ALK: variants seen among roughly 807,000 people sequenced by gnomAD.
ALK encodes ALK tyrosine kinase receptor.
A neutral mutation model predicts 163.1 loss-of-function variants in ALK; 74 were observed. The observed-to-expected ratio is 0.45, with a 90% CI of 0.38 to 0.55. The LOEUF (loss-of-function observed/expected upper bound fraction) is 0.55. Ranked by LOEUF, ALK falls within the 20% of genes least tolerant of loss-of-function variation. ALK has a pLI of 0.00. For synonymous variants in ALK, 960 were observed against 843.2 expected, an observed-to-expected ratio of 1.14 and a Z score of -2.40; for missense variants, 2,063 against 2,105.3, an observed-to-expected ratio of 0.98 and a Z score of 0.39.
At chr2:29,618,006 G>A (rs1033944137) in intron 3 of ALK, among the ~76,000 whole-genome samples, 3 of 152,154 alleles carry the variant, frequency 2.0e-5, no homozygotes, top group African/African-American at 7.2e-5. Context: ...GGTACTTTGG[G>A]TTCTGCCTAG....
chr2:29,527,696 A>G (rs1672992340), intron 4 of ALK, among the ~76,000 whole-genome samples: 1 of 151,956 alleles, frequency 6.6e-6, no homozygotes, highest in African/African-American at 2.4e-5. Flanking sequence ...TTTTTTTTGT[A>G]GAGGTTGGGG....
chr2:29,909,670 A>G (rs1013982265), intron 1 of ALK, among the ~76,000 whole-genome samples: 6 of 152,246 alleles, frequency 3.9e-5, no homozygotes, highest in African/African-American at 1.2e-4. Context: ...CAATTTCTAC[A>G]GCTCATACAT....
intron 1 of ALK, among the ~76,000 whole-genome samples, chr2:29,854,172 G>A (rs966676224): frequency 2.6e-5 from 4 of 151,004 alleles, no homozygotes; most frequent in African/African-American, 4.9e-5. Context: ...GGAGGCCTTC[G>A]CTATCACACT....
intron 4 of ALK, among the ~76,000 whole-genome samples, chr2:29,406,333 CCT>C (rs1227855806): frequency 6.6e-6 from 1 of 152,196 alleles, no homozygotes; most frequent in Non-Finnish European, 1.5e-5. Context: ...TCCCTCACCT[CCT>C]GTTTCCATTT....
rs1669778118 is a variant in ALK, at chr2:29,220,738, T to C, written c.3613A>G (p.Lys1205Glu). 6.2e-7 allele frequency: 1 copy of C among 1,613,688 alleles called. No homozygotes were observed. The highest frequency in any genetic ancestry group is 1.3e-5 in the African/African-American group (1 of 74,862). ...GGGCGGGTCTCTCGGAGGAAGGACT[T>C]GAGGTCTCCCCCCGCCATGAGCTCC... ...LLELMAGGDL[K>E]SFLRETRPRP... The change falls in exon 23 of 29, where the codon AAG becomes GAG. Residue 1205 changes from lysine (K) to glutamate (E), a missense_variant. Transcript: ENST00000389048.
At chr2:29,630,574 T>C (rs557373701) in intron 3 of ALK, among the ~76,000 whole-genome samples, 1 of 152,214 alleles carries the variant, frequency 6.6e-6, no homozygotes, top group Non-Finnish European at 1.5e-5. Context: ...CTGAGTGTAT[T>C]AGGTATTTAT....
chr2:29,257,079 C>T (rs1424827636), intron 11 of ALK, among the ~76,000 whole-genome samples: 4 of 152,072 alleles, frequency 2.6e-5, no homozygotes, highest in Non-Finnish European at 4.4e-5. Context: ...CCATATCTCC[C>T]CTGCTGAGGG....
intron 23 of ALK, among the ~76,000 whole-genome samples, chr2:29,217,138 G>A (rs978955488): frequency 2.1e-5 from 3 of 141,570 alleles, no homozygotes; most frequent in Middle Eastern, 3.4e-3. Context: ...TGGTGTGTGT[G>A]TGTGTGTGTG....
chr2:29,777,332 A>C (rs10165235), intron 1 of ALK, among the ~76,000 whole-genome samples: 40,049 of 151,962 alleles, frequency 0.26, 6,343 homozygotes, highest in African/African-American at 0.43. Flanking sequence ...TGAAATCATC[A>C]CCCAGCCTAC....
chr2:29,860,713 A>C (rs770156402), intron 1 of ALK, among the ~76,000 whole-genome samples: 7 of 152,212 alleles, frequency 4.6e-5, no homozygotes, highest in Non-Finnish European at 7.3e-5. Context: ...GAAACTAGAG[A>C]TCAATAATAG....
At chr2:29,589,430 G>A (rs191692053) in intron 3 of ALK, among the ~76,000 whole-genome samples, 102 of 152,302 alleles carry the variant, frequency 6.7e-4, no homozygotes, top group Non-Finnish European at 1.1e-3. Context: ...GCAAGGACAG[G>A]TTCAGGAAAA....
At chr2:29,218,031 G>T (rs376926373) in intron 23 of ALK, among the ~76,000 whole-genome samples, 2 of 152,166 alleles carry the variant, frequency 1.3e-5, no homozygotes, top group Non-Finnish European at 2.9e-5. Context: ...GGATTTTGTG[G>T]CCCCGAGAAT....
At chr2:29,850,816 A>G (rs917837093) in intron 1 of ALK, among the ~76,000 whole-genome samples, 1 of 152,178 alleles carries the variant, frequency 6.6e-6, no homozygotes, top group Non-Finnish European at 1.5e-5. Flanking sequence ...CTTTCTCCCA[A>G]GCCCTTTCCT....
chr2:29,535,126 T>C (rs111258242), intron 3 of ALK, among the ~76,000 whole-genome samples: 4 of 152,192 alleles, frequency 2.6e-5, no homozygotes, highest in Admixed American at 6.5e-5. Flanking sequence ...TTGCTCAGGA[T>C]AGCTTGGGGC....
At chr2:29,200,793 G>A (rs4666174) in intron 26 of ALK, among the ~76,000 whole-genome samples, 32,460 of 130,990 alleles carry the variant, frequency 0.25, 5,908 homozygotes, top group East Asian at 0.73. Context: ...GTATATACAT[G>A]TATACATATA....
At chr2:29,471,547 T>C (rs1414522448) in intron 4 of ALK, among the ~76,000 whole-genome samples, 5 of 152,220 alleles carry the variant, frequency 3.3e-5, no homozygotes, top group African/African-American at 1.2e-4. Flanking sequence ...TACAGTTGTC[T>C]TGATAAATAC....
At chr2:29,501,767 G>A (rs1412165124) in intron 4 of ALK, among the ~76,000 whole-genome samples, 1 of 152,162 alleles carries the variant, frequency 6.6e-6, no homozygotes, top group Non-Finnish European at 1.5e-5. Flanking sequence ...TTGCACTGTG[G>A]TGCAATGATC....
intron 9 of ALK, among the ~76,000 whole-genome samples, chr2:29,293,854 T>A (rs1666105306): frequency 5.7e-5 from 1 of 17,450 alleles, no homozygotes; most frequent in African/African-American, 9.4e-5. Flanking sequence ...TCCAATACCG[T>A]TGACTAGAGC....
At chr2:29,380,302 C>T (rs1051443642) in intron 5 of ALK, among the ~76,000 whole-genome samples, 3 of 151,966 alleles carry the variant, frequency 2.0e-5, no homozygotes, top group African/African-American at 7.3e-5. Context: ...GACGGGGTTT[C>T]ACCATGTTGG....
Sources: allele counts gnomAD v4.1 joint callset (sites outside exome capture counted in the v4.1 genomes callset), GRCh38; gene constraint gnomAD v4.1.1; transcripts MANE v1.5; gene names NCBI Gene and HGNC (gene_info 2026-07-23, HGNC 2026-07-21).